Variants in RIMBP2 observed in about 807,000 individuals in gnomAD.
The protein encoded by RIMBP2 is RIMS-binding protein 2.
A neutral mutation model predicts 118.6 loss-of-function variants in RIMBP2; 48 were observed. That is an observed-to-expected ratio of 0.40 (90% CI 0.32 to 0.51). The LOEUF (loss-of-function observed/expected upper bound fraction) is 0.51, where lower values mean the gene tolerates loss of function less well. RIMBP2 is among the 20% of genes least tolerant of loss of function. The pLI, the probability that RIMBP2 is intolerant of heterozygous loss-of-function variation, is 0.41. For missense variants in RIMBP2, 1,551 were observed against 1,768.3 expected (o/e 0.88, Z 2.20); for synonymous variants, 762 against 742.9 (o/e 1.03, Z -0.42).
intron 10 of RIMBP2, among the ~76,000 whole-genome samples, chr12:130,444,864 G>C (rs1343784179): frequency 6.6e-6 from 1 of 152,252 alleles, no homozygotes; most frequent in South Asian, 2.1e-4. Context: ...CAGAGGGTCT[G>C]TCAGTCCCAT....
At chr12:130,615,436 G>C (rs1381343072) in intron 2 of RIMBP2, among the ~76,000 whole-genome samples, 1 of 151,310 alleles carries the variant, frequency 6.6e-6, no homozygotes, top group Non-Finnish European at 1.5e-5. Flanking sequence ...TCAGCCTCCA[G>C]AGTAGCTGGG....
intron 2 of RIMBP2, among the ~76,000 whole-genome samples, chr12:130,535,738 CATATAT>C (rs55887629): frequency 0.088 from 5,799 of 65,854 alleles, 177 homozygotes; most frequent in Non-Finnish European, 0.15. Flanking sequence ...CATATATATA[CATATAT>C]ATATATATAT....
At chr12:130,674,661 G>C (rs180707340) in intron 1 of RIMBP2, among the ~76,000 whole-genome samples, 241 of 152,258 alleles carry the variant, frequency 1.6e-3, no homozygotes, top group African/African-American at 5.5e-3. Flanking sequence ...ACAATACAGT[G>C]GCATGGAGTG....
chr12:130,398,889 G>A (rs1367604272), intron 22 of RIMBP2: 1 of 275,576 alleles, frequency 3.6e-6, no homozygotes, highest in Non-Finnish European at 6.7e-6. Flanking sequence ...AATGCAAATA[G>A]TAGGAAATGA....
At chr12:130,428,504 A>G in intron 14 of RIMBP2, 167 bp from the exon 15 acceptor site, 1 of 614,456 alleles carries the variant, frequency 1.6e-6, no homozygotes, top group Non-Finnish European at 2.7e-6. Flanking sequence ...GAGGCTGGAG[A>G]GAGGACACAC....
At chr12:130,506,449 T>G (rs1201648984) in intron 4 of RIMBP2, among the ~76,000 whole-genome samples, 199 bp downstream of exon 4, 1 of 152,178 alleles carries the variant, frequency 6.6e-6, no homozygotes, top group African/African-American at 2.4e-5. Flanking sequence ...ACGGGATTGC[T>G]TCCAGAAACA....
At chr12:130,519,026 C>A (rs1485206853) in intron 2 of RIMBP2, among the ~76,000 whole-genome samples, 1 of 152,244 alleles carries the variant, frequency 6.6e-6, no homozygotes, top group African/African-American at 2.4e-5. Flanking sequence ...TGGAAGGCAG[C>A]TGGAACCACA....
At chr12:130,570,730 T>C (rs10773796) in intron 2 of RIMBP2, among the ~76,000 whole-genome samples, 124,120 of 152,148 alleles carry the variant, frequency 0.82, 51,897 homozygotes, top group Non-Finnish European at 0.91. Context: ...CACAGTCATA[T>C]AGGACTCTGA....
At chr12:130,700,165 T>G (rs57860157) in intron 1 of RIMBP2, among the ~76,000 whole-genome samples, 4,469 of 152,194 alleles carry the variant, frequency 0.029, 222 homozygotes, top group African/African-American at 0.1. Context: ...GTCTTCCAGT[T>G]GGTGTGGTTT....
At chr12:130,426,735 T>A (rs1347562420) in intron 15 of RIMBP2, 1 of 152,310 alleles carries the variant, frequency 6.6e-6, no homozygotes, top group Non-Finnish European at 1.5e-5. Flanking sequence ...AGGAACTTTA[T>A]GATGAACTCG....
intron 2 of RIMBP2, among the ~76,000 whole-genome samples, chr12:130,613,957 G>A (rs926809123): frequency 6.6e-6 from 1 of 152,154 alleles, no homozygotes; most frequent in African/African-American, 2.4e-5. Flanking sequence ...AGGGAGGGAG[G>A]CAGGTCCTTT....
At chr12:130,526,531 C>A (rs1406882445) in intron 2 of RIMBP2, among the ~76,000 whole-genome samples, 1 of 152,206 alleles carries the variant, frequency 6.6e-6, no homozygotes, top group Non-Finnish European at 1.5e-5. Context: ...TCATATGACA[C>A]ATTAAGTCAC....
intron 4 of RIMBP2, among the ~76,000 whole-genome samples, chr12:130,503,243 A>T (rs1010222391): frequency 3.3e-5 from 5 of 151,444 alleles, no homozygotes; most frequent in Admixed American, 1.3e-4. Flanking sequence ...AAAAAAAAAA[A>T]ATATTATCCG....
chr12:130,678,897 G>A (rs1002790498), intron 1 of RIMBP2, among the ~76,000 whole-genome samples: 1 of 152,178 alleles, frequency 6.6e-6, no homozygotes, highest in Non-Finnish European at 1.5e-5. Flanking sequence ...AGTCAGCGGG[G>A]GCTTGGAGTG....
chr12:130,404,188 T>A (rs1324734581), intron 21 of RIMBP2, among the ~76,000 whole-genome samples: 1 of 152,180 alleles, frequency 6.6e-6, no homozygotes, highest in African/African-American at 2.4e-5. Flanking sequence ...AGAAAAATGA[T>A]TTGTGGGGGA....
intron 2 of RIMBP2, among the ~76,000 whole-genome samples, chr12:130,551,774 C>T (rs548374485): frequency 1.6e-4 from 25 of 152,302 alleles, no homozygotes; most frequent in Non-Finnish European, 3.1e-4. Context: ...CTGCAAAGAC[C>T]CAGAGCAAGC....
At chr12:130,651,751 T>A (rs780393906) in intron 1 of RIMBP2, among the ~76,000 whole-genome samples, 1 of 152,256 alleles carries the variant, frequency 6.6e-6, no homozygotes, top group Non-Finnish European at 1.5e-5. Context: ...TTAACACATT[T>A]CACATTATGA....
chr12:130,652,094 T>A (rs1010193962), intron 1 of RIMBP2, among the ~76,000 whole-genome samples: 31 of 152,224 alleles, frequency 2.0e-4, no homozygotes, highest in Middle Eastern at 3.2e-3. Context: ...TTGGGTTTTT[T>A]AAATACTCTT....
intron 3 of RIMBP2, among the ~76,000 whole-genome samples, chr12:130,515,249 A>G (rs1289798034): frequency 1.3e-5 from 2 of 152,198 alleles, no homozygotes; most frequent in Non-Finnish European, 1.5e-5. Flanking sequence ...ACTATTTTAC[A>G]TGTAGGTATT....
Sources: allele counts gnomAD v4.1 joint callset (sites outside exome capture counted in the v4.1 genomes callset), GRCh38; gene constraint gnomAD v4.1.1; transcripts MANE v1.5; gene names NCBI Gene and HGNC (gene_info 2026-07-23, HGNC 2026-07-21).